Variants in CHID1 observed in about 807,000 individuals in gnomAD.
The protein encoded by CHID1 is chitinase domain containing 1.
In CHID1, 44 loss-of-function variants were observed where a neutral mutation model predicts 55.4. The observed-to-expected ratio is 0.79, with a 90% CI of 0.62 to 1.02. The LOEUF is 1.02. Ranked by LOEUF, CHID1 falls within the 50% of genes least tolerant of loss-of-function variation. The pLI, the probability that CHID1 is intolerant of heterozygous loss-of-function variation, is 0.00. For missense variants in CHID1, 491 were observed against 515.3 expected, an observed-to-expected ratio of 0.95 and a Z score of 0.46; for synonymous variants, 216 against 212.9, an observed-to-expected ratio of 1.01 and a Z score of -0.13.
rs374093920 is a variant in CHID1 at position 899,341 on chromosome 11, C to A, written c.607G>T (p.Val203Leu). ...CCACCACCACCTGTGCCCACTCACA[C>A]GCGCTTCTGGCTTAGCAGCTGGTTC... is the stretch of plus-strand genomic sequence containing the variant. ...VWNQLLSQKR[V>L]GLIHMLTHLA... The change falls in exon 7 of 13, where the codon GTG becomes TTG. Residue 203 changes from valine to leucine, a missense_variant and splice_region_variant. Transcript: ENST00000323578. 2.5e-6 allele frequency: 4 copies of A among 1,600,010 alleles called. No homozygotes were observed. In the African/African-American group the frequency reaches 5.3e-5, roughly 21 times the overall value.
upstream of CHID1, chr11:914,804 C>T (rs1169040077): frequency 5.9e-6 from 2 of 340,448 alleles, no homozygotes; most frequent in South Asian, 2.2e-5. Context: ...TTGTGTCTTC[C>T]CCAGGCTGGC....
chr11:874,526 C>T (rs1183210181), intron 10 of CHID1, among the ~76,000 whole-genome samples: 4 of 152,186 alleles, frequency 2.6e-5, no homozygotes, highest in Non-Finnish European at 2.9e-5. Flanking sequence ...GTGATCATAG[C>T]GCACTGCAGC....
chr11:901,286 C>T (rs1851790110), intron 4 of CHID1, among the ~76,000 whole-genome samples: 2 of 152,168 alleles, frequency 1.3e-5, no homozygotes, highest in South Asian at 4.1e-4. Context: ...GCAGCTGCAT[C>T]CTAGGGCCTG....
intron 6 of CHID1, 113 bp from the exon 7 acceptor site, chr11:899,514 C>A: frequency 3.2e-6 from 3 of 949,256 alleles, no homozygotes; most frequent in South Asian, 2.9e-5. Context: ...TGGTCACTCA[C>A]GAGGCAAGAC....
chr11:912,672 G>A (rs1189159598), upstream of CHID1, among the ~76,000 whole-genome samples: 3 of 152,084 alleles, frequency 2.0e-5, no homozygotes, highest in Admixed American at 6.6e-5. Context: ...GTGAAACCCC[G>A]TCTCTACTAA....
chr11:884,116 AC>A lies in CHID1; in HGVS notation c.754del (p.Val252CysfsTer8). The A allele has an allele frequency of 6.2e-7, 1 of 1,614,192 alleles. No homozygotes were observed. Among genetic ancestry groups the A allele is most frequent in the Non-Finnish European group, 8.5e-7 (1 of 1,180,020 alleles). On this transcript the variant is annotated frameshift_variant, in exon 9 of 13. Coordinates refer to ENST00000323578, the MANE Select transcript of CHID1 (RefSeq NM_023947.4). LOFTEE classifies it high-confidence loss of function. Reference protein sequence around the residue: ...THKEFEQLAPVLDGFSLMTYD... With the variant: ...THKEFEQLAPXLDGFSLMTYD... ...GGTCATGAGGCTGAAACCATCCAGC[AC>A]GGGGGCCAGCTGCTCAAACTCCTTG...
chr11:869,838 G>T lies in CHID1; in HGVS notation c.*20C>A, dbSNP rs1037987785. On this transcript the variant is annotated 3_prime_UTR_variant, in exon 13 of 13. Transcript: ENST00000323578. ...TGGCTTAGAAAAGAACACGTCCACC[G>T]CGGAGGCCGCAATGCCCACCTAGAG... 1.2e-6 allele frequency: 2 copies of T among 1,603,150 alleles called. No individual in the cohort carries two copies. The highest frequency in any genetic ancestry group is 1.7e-5 in the Admixed American group (1 of 59,992).
At chr11:882,425 GA>G (rs1850031392) in intron 10 of CHID1, 1 of 152,246 alleles carries the variant, frequency 6.6e-6, no homozygotes, top group Non-Finnish European at 1.5e-5. Context: ...AGACAGAAGA[GA>G]AGAAACAGAA....
intron 8 of CHID1, among the ~76,000 whole-genome samples, chr11:888,966 C>T (rs572919559): frequency 1.3e-5 from 2 of 152,206 alleles, no homozygotes; most frequent in Admixed American, 6.5e-5. Context: ...CGGCTGGACG[C>T]GCTCTGCTCT....
chr11:895,108 C>T (rs938027438), intron 7 of CHID1, among the ~76,000 whole-genome samples: 21 of 152,276 alleles, frequency 1.4e-4, no homozygotes, highest in East Asian at 3.9e-4. Flanking sequence ...GTGCTGCCCC[C>T]GCCCCTGAAA....
chr11:880,769 A>T (rs937004379), intron 10 of CHID1, among the ~76,000 whole-genome samples: 1 of 152,218 alleles, frequency 6.6e-6, no homozygotes, highest in African/African-American at 2.4e-5. Flanking sequence ...GGGGACCTGC[A>T]AAAACTCGTA....
intron 1 of CHID1, among the ~76,000 whole-genome samples, chr11:905,868 G>T (rs997519304): frequency 6.6e-6 from 1 of 152,118 alleles, no homozygotes; most frequent in Non-Finnish European, 1.5e-5. Flanking sequence ...ACATACAAAT[G>T]TAAGACTTTC....
chr11:904,861 T>C lies in CHID1; in HGVS notation c.-43-2A>G. ...GGTCCAACCTCGGGGTCCAGAGGGCTGCAGGGAAAGCAGAGCACATTCAAA... is the reference window on the plus strand; with the variant it reads ...GGTCCAACCTCGGGGTCCAGAGGGCCGCAGGGAAAGCAGAGCACATTCAAA... On this transcript the variant is annotated splice_acceptor_variant, in intron 1 of 12. Coordinates refer to ENST00000323578, the MANE Select transcript of CHID1 (RefSeq NM_023947.4). LOFTEE classifies it low-confidence loss of function (5UTR_SPLICE). 6.2e-7 allele frequency: 1 copy of C among 1,612,668 alleles called. No individual in the cohort carries two copies. The highest frequency in any genetic ancestry group is 2.2e-5 in the East Asian group (1 of 44,860).
At chr11:908,160 G>A (rs2134375666) in intron 1 of CHID1, 1 of 152,416 alleles carries the variant, frequency 6.6e-6, no homozygotes, top group Non-Finnish European at 1.5e-5. Context: ...AGGAGGCAGG[G>A]AGCCACAAGA....
chr11:901,177 C>A (rs976176374), intron 4 of CHID1, among the ~76,000 whole-genome samples, 197 bp from the exon 5 acceptor site: 1 of 152,102 alleles, frequency 6.6e-6, no homozygotes, highest in Non-Finnish European at 1.5e-5. Context: ...ACTCTCCACC[C>A]TTCTGGCCAA....
At chr11:903,236 G>T in intron 2 of CHID1, 125 bp from the exon 3 acceptor site, 1 of 908,582 alleles carries the variant, frequency 1.1e-6, no homozygotes, top group Non-Finnish European at 1.7e-6. Context: ...CAGTGCTGCT[G>T]ACCCGGAGAC....
chr11:891,782 C>T (rs1341507241), intron 8 of CHID1, among the ~76,000 whole-genome samples: 2 of 152,134 alleles, frequency 1.3e-5, no homozygotes, highest in African/African-American at 4.8e-5. Flanking sequence ...ACAGCCAGCC[C>T]CTGCCAGCCC....
intron 4 of CHID1, among the ~76,000 whole-genome samples, chr11:901,497 G>A (rs992207326): frequency 1.3e-5 from 2 of 152,118 alleles, no homozygotes; most frequent in African/African-American, 2.4e-5. Context: ...ACGTAAACTC[G>A]GGCAGACGTC....
In CHID1 at chr11:902,243, C is replaced by T. The variant is rs759586674; in HGVS notation, c.349G>A (p.Gly117Ser). 3 of 1,613,940 alleles carry T rather than the reference C, an allele frequency of 1.9e-6. No individual in the cohort carries two copies. The Admixed American group carries it at 5.0e-5, about 27-fold the overall frequency. Residue 117 changes from glycine (G) to serine (S), a missense_variant, in exon 4 of 13, where the codon GGC (glycine) becomes AGC (serine). Transcript: ENST00000323578. Reference protein sequence around the residue: ...SPVWLQLKRRGREMFEVTGLH... With the variant: ...SPVWLQLKRRSREMFEVTGLH... The stretch of plus-strand genomic sequence containing the variant: ...CCCGTGACCTCAAACATCTCACGGC[C>T]ACGTCTCTTCAGCTGCAGCCAGACG...
Sources: gnomAD v4.1 joint callset for allele counts (sites outside exome capture counted in the v4.1 genomes callset) on GRCh38, gnomAD v4.1.1 for gene constraint, MANE v1.5 for transcripts, NCBI Gene and HGNC (gene_info 2026-07-23, HGNC 2026-07-21) for gene names.